HOMER1: variants seen among roughly 807,000 people sequenced by gnomAD.
HOMER1 encodes the protein homer scaffold protein 1, also known as homer protein homolog 1.
Under a neutral mutation model 48.9 loss-of-function variants are expected in HOMER1, and 3 were observed. The ratio of observed to expected loss-of-function variants is 0.06; its 90% CI spans 0.03 to 0.16. HOMER1 has a LOEUF of 0.16. Among genes scored for constraint, HOMER1 ranks in the 10% least tolerant of loss-of-function variants. The probability of loss-of-function intolerance (pLI) is 1.00; values close to 1 mark genes in which losing one functional copy is unlikely to be tolerated. For synonymous variants in HOMER1, 134 were observed against 146.4 expected (o/e 0.92, Z 0.61); for missense variants, 247 against 411.4 (o/e 0.60, Z 3.46).
At chr5:79,436,058 G>A (rs1444106956) in intron 5 of HOMER1, among the ~76,000 whole-genome samples, 6 of 151,206 alleles carry the variant, frequency 4.0e-5, no homozygotes, top group African/African-American at 1.2e-4. Flanking sequence ...CCCGGGAAGC[G>A]GAGCTTGCAG....
At position 79,379,115 on chromosome 5, in the gene HOMER1, A is replaced by ATAT. The variant is rs1349080228; in HGVS notation, c.877-2919_877-2918insATA. Among the ~76,000 whole-genome samples, 504 of 55,572 alleles carry ATAT rather than the reference A, an allele frequency of 9.1e-3. 46 individuals are homozygous for ATAT. The highest frequency in any genetic ancestry group is 0.019 in the African/African-American group (269 of 13,980). 36.5% of individuals were successfully genotyped at this position (55,572 alleles called of 152,430 possible). A position where few individuals can be genotyped will look rare whatever the true frequency, so the allele number is the denominator to read the frequency against. ...ATATATATATATATATATATATATA[A>ATAT]AATATATAAATATTTATTTATATAT... On this transcript the variant is annotated intron_variant, in intron 8 of 8. Transcript: ENST00000334082.
intron 1 of HOMER1, among the ~76,000 whole-genome samples, chr5:79,475,520 C>CT (rs1751744903): frequency 6.8e-6 from 1 of 147,290 alleles, no homozygotes; most frequent in African/African-American, 2.5e-5. Flanking sequence ...GAGCCTCATA[C>CT]TTTATCAAAA....
In HOMER1 at chr5:79,417,664, G is replaced by A. The variant is rs563945515; in HGVS notation, c.528-15609C>T. On this transcript the variant is annotated intron_variant, in intron 5 of 8. Transcript: ENST00000334082. ...CCATTCTCTTATCTACAGGGTAATA[G>A]CATTATAATCATTATAATCTATTAA... Among the ~76,000 whole-genome samples the A allele has an allele frequency of 7.4e-4, 112 of 152,192 alleles. 3 individuals carry two copies. The highest frequency in any genetic ancestry group is 3.1e-3 in the South Asian group (15 of 4,820).
At chr5:79,474,206 A>AATTTT (rs1751695176) in intron 1 of HOMER1, among the ~76,000 whole-genome samples, 1 of 98,724 alleles carries the variant, frequency 1.0e-5, no homozygotes, top group African/African-American at 4.7e-5. Flanking sequence ...CCCAACCAAA[A>AATTTT]TTTTTTTTTT....
chr5:79,438,422 A>G (rs1468309245), intron 5 of HOMER1, among the ~76,000 whole-genome samples: 1 of 152,270 alleles, frequency 6.6e-6, no homozygotes, highest in East Asian at 1.9e-4. Flanking sequence ...TCAGAGAAAC[A>G]GATTCTTTTA....
At chr5:79,477,323 C>T (rs1462492372) in intron 1 of HOMER1, among the ~76,000 whole-genome samples, 1 of 152,194 alleles carries the variant, frequency 6.6e-6, no homozygotes, top group African/African-American at 2.4e-5. Flanking sequence ...TATTATTATA[C>T]CTTTTAAATT....
At chr5:79,462,068 G>C (rs540076318) in intron 1 of HOMER1, among the ~76,000 whole-genome samples, 42 of 151,972 alleles carry the variant, frequency 2.8e-4, no homozygotes, top group African/African-American at 9.2e-4. Context: ...GCACGGTGTC[G>C]CATGCCTATA....
chr5:79,459,744 C>T (rs1479063001), intron 1 of HOMER1, among the ~76,000 whole-genome samples: 1 of 152,190 alleles, frequency 6.6e-6, no homozygotes, highest in African/African-American at 2.4e-5. Context: ...AAACAAAATG[C>T]TCTTCACTAC....
At chr5:79,393,368 A>T (rs1749302379) in intron 8 of HOMER1, among the ~76,000 whole-genome samples, 1 of 152,152 alleles carries the variant, frequency 6.6e-6, no homozygotes, top group Non-Finnish European at 1.5e-5. Context: ...CTAAGACCTA[A>T]ACTAAAAATA....
chr5:79,504,994 T>A (rs777369296), intron 1 of HOMER1, among the ~76,000 whole-genome samples: 1 of 152,098 alleles, frequency 6.6e-6, no homozygotes, highest in African/African-American at 2.4e-5. Context: ...ACTCCCCAAC[T>A]AGGCTGGGCA....
intron 8 of HOMER1, among the ~76,000 whole-genome samples, chr5:79,377,761 T>A (rs1279425374): frequency 6.6e-6 from 1 of 152,056 alleles, no homozygotes; most frequent in East Asian, 1.9e-4. Flanking sequence ...CTGGCAAAAA[T>A]TCGTATGCAT....
rs529279778 is a variant in HOMER1 at position 79,404,574 on chromosome 5, C to G, written c.528-2519G>C. Among the ~76,000 whole-genome samples, 3 of 152,304 alleles carry G rather than the reference C, an allele frequency of 2.0e-5. No homozygotes were observed. The South Asian group carries it at 6.2e-4, about 32-fold the overall frequency. ...TCAGCTTTGAATTTGAGACACATTT[C>G]ATGCACTCAACAGCCACACATGACT... On this transcript the variant is annotated intron_variant, in intron 5 of 8. Transcript: ENST00000334082.
intron 1 of HOMER1, among the ~76,000 whole-genome samples, chr5:79,462,053 G>A (rs948939003): frequency 1.3e-4 from 20 of 151,994 alleles, no homozygotes; most frequent in African/African-American, 4.8e-4. Flanking sequence ...ACAAAAATGA[G>A]CCAGGCACGG....
At chr5:79,502,254 G>A (rs1044094137) in intron 1 of HOMER1, among the ~76,000 whole-genome samples, 5 of 152,006 alleles carry the variant, frequency 3.3e-5, no homozygotes, top group African/African-American at 1.2e-4. Flanking sequence ...TCCTGACCTG[G>A]TGATCTGCCC....
In HOMER1 at chr5:79,512,888, C is replaced by A; in HGVS notation, c.-114G>T. On this transcript the variant is annotated 5_prime_UTR_variant, in exon 1 of 9. Transcript: ENST00000334082. The stretch of plus-strand genomic sequence containing the variant: ...TGCTTTTCCACCCCCACCCCCAGAT[C>A]CTTGTCCGGAGGTATTTCAAGGATG... 1 of 933,178 alleles carries A rather than the reference C, an allele frequency of 1.1e-6. No individual in the cohort carries two copies. Among genetic ancestry groups the A allele is most frequent in the Non-Finnish European group, 1.7e-6 (1 of 575,672 alleles). 57.8% of individuals were successfully genotyped at this position (933,178 alleles called of 1,614,324 possible).
chr5:79,423,124 G>A (rs1750149679), intron 5 of HOMER1, among the ~76,000 whole-genome samples: 2 of 152,170 alleles, frequency 1.3e-5, no homozygotes, highest in South Asian at 4.1e-4. Context: ...GTATGTAAAA[G>A]TTATTAAATG....
At chr5:79,392,956 A>AGG (rs1554057038) in intron 8 of HOMER1, among the ~76,000 whole-genome samples, 8 of 13,758 alleles carry the variant, frequency 5.8e-4, no homozygotes, top group African/African-American at 1.2e-3. Flanking sequence ...AGGGAAAGGG[A>AGG]GAGAGAGAGA....
chr5:79,472,909 C>A (rs969553405), intron 1 of HOMER1, among the ~76,000 whole-genome samples: 1 of 152,190 alleles, frequency 6.6e-6, no homozygotes, highest in Non-Finnish European at 1.5e-5. Context: ...AAACTTCCAA[C>A]TGATCCAAGT....
rs58802660 is a variant in HOMER1, at chr5:79,378,222, C to CAAA, written c.877-2028_877-2026dup. On this transcript the variant is annotated intron_variant, in intron 8 of 8. Transcript: ENST00000334082. ...GGGGTGACAGAGTAAGACTCTGTCT[C>CAAA]AAAAAAAAAAAAAAAAAAAGGAAAT... is the stretch of plus-strand genomic sequence containing the variant. 1.3e-4 allele frequency among the ~76,000 whole-genome samples: 11 copies of CAAA among 85,560 alleles called. No homozygotes were observed. In the South Asian group the frequency reaches 2.3e-3, roughly 18 times the overall value. The allele number at this position is 85,560 out of a possible 152,430, so 56.1% of individuals were successfully genotyped here.
Sources: allele counts gnomAD v4.1 joint callset (sites outside exome capture counted in the v4.1 genomes callset), GRCh38; gene constraint gnomAD v4.1.1; transcripts MANE v1.5; gene names NCBI Gene and HGNC (gene_info 2026-07-23, HGNC 2026-07-21).